Variants in TANC1 observed in about 807,000 individuals in gnomAD.
TANC1 encodes the protein tetratricopeptide repeat, ankyrin repeat and coiled-coil containing 1.
Under a neutral mutation model 149.7 loss-of-function variants are expected in TANC1, and 77 were observed. The ratio of observed to expected loss-of-function variants is 0.51; its 90% CI spans 0.43 to 0.62. The LOEUF (loss-of-function observed/expected upper bound fraction) is 0.62. TANC1 is among the 20% of genes least tolerant of loss of function. TANC1 has a pLI of 0.00. For missense variants in TANC1, 1,985 were observed against 2,321.8 expected, an observed-to-expected ratio of 0.85 and a Z score of 2.98; for synonymous variants, 854 against 925.0, an observed-to-expected ratio of 0.92 and a Z score of 1.39.
chr2:159,045,105 GTGT>G (rs1029255100), intron 2 of TANC1, among the ~76,000 whole-genome samples: 4 of 152,200 alleles, frequency 2.6e-5, no homozygotes, highest in East Asian at 1.9e-4. Context: ...AGTCCCTGCT[GTGT>G]TGTTGTTGTT....
chr2:159,135,558 C>T (rs1239728896), intron 4 of TANC1, among the ~76,000 whole-genome samples: 2 of 152,260 alleles, frequency 1.3e-5, no homozygotes, highest in Non-Finnish European at 2.9e-5. Context: ...TGATAATAAG[C>T]AGGGGCTGTG....
chr2:159,041,100 A>G (rs1201356564), intron 2 of TANC1, among the ~76,000 whole-genome samples: 1 of 152,102 alleles, frequency 6.6e-6, no homozygotes, highest in Non-Finnish European at 1.5e-5. Flanking sequence ...GAGGCTGCAG[A>G]ACAGCAAATA....
chr2:159,196,228 T>G (rs2057838108), intron 17 of TANC1, among the ~76,000 whole-genome samples: 1 of 152,220 alleles, frequency 6.6e-6, no homozygotes, highest in South Asian at 2.1e-4. Context: ...TTATAGCTTG[T>G]CACAGCAGAC....
In TANC1 at chr2:159,163,438, T is replaced by C. The variant is rs1192969827; in HGVS notation, c.838T>C (p.Ser280Pro). Reference protein sequence around the residue: ...SPVAEEETTGSAESTLPKAES... With the variant: ...SPVAEEETTGPAESTLPKAES... ...AGTGGCAGAAGAGGAGACCACCGGG[T>C]CAGCAGAGAGCACGCTGCCCAAAGC... The change falls in exon 8 of 27, where the codon TCA becomes CCA. Residue 280 changes from serine to proline, a missense_variant. Physicochemically the swap from Ser to Pro is moderately conservative, Grantham distance 74. This residue lies in a region of TANC1 where 557 missense variants were observed against 612.9 expected (regional missense o/e 0.91). Transcript: ENST00000263635. The C allele has an allele frequency of 6.2e-7, 1 of 1,614,044 alleles. No homozygotes were observed. Among genetic ancestry groups the C allele is most frequent in the East Asian group, 2.2e-5 (1 of 44,884 alleles).
intron 3 of TANC1, among the ~76,000 whole-genome samples, chr2:159,097,337 T>G (rs2046244057): frequency 6.6e-6 from 1 of 152,204 alleles, no homozygotes; most frequent in East Asian, 1.9e-4. Context: ...TGTGGATCAT[T>G]CATACTTGAC....
intron 3 of TANC1, among the ~76,000 whole-genome samples, chr2:159,089,758 G>C (rs2045330542): frequency 6.6e-6 from 1 of 152,224 alleles, no homozygotes; most frequent in African/African-American, 2.4e-5. Context: ...CAGGACTGTG[G>C]CAGGCTCAGC....
chr2:159,136,043 T>TGTGTGTGTGTGTGTGTGTGTGC (rs2050662991), intron 4 of TANC1, 151 bp from the exon 5 acceptor site: 1 of 214,656 alleles, frequency 4.7e-6, no homozygotes, highest in Non-Finnish European at 8.8e-6. Context: ...TGTGTGTGTG[T>TGTGTGTGTGTGTGTGTGTGTGC]GTGTGTGCGC....
intron 2 of TANC1, 39 bp from the exon 3 acceptor site, chr2:159,065,857 A>T: frequency 6.5e-7 from 1 of 1,539,154 alleles, no homozygotes; most frequent in Middle Eastern, 1.7e-4. Flanking sequence ...CCAACTTTCA[A>T]TGTTTAATTC....
intron 4 of TANC1, among the ~76,000 whole-genome samples, chr2:159,127,492 A>G (rs2049579356): frequency 6.6e-6 from 1 of 152,254 alleles, no homozygotes; most frequent in Non-Finnish European, 1.5e-5. Flanking sequence ...ATCTTTCTGT[A>G]AAGACGTGCA....
intron 10 of TANC1, among the ~76,000 whole-genome samples, chr2:159,171,746 A>T (rs1013526334): frequency 1.3e-5 from 2 of 151,756 alleles, no homozygotes; most frequent in African/African-American, 4.8e-5. Flanking sequence ...AATCCCAGCT[A>T]CTTGGGAGGC....
chr2:159,230,346 A>T lies in TANC1; in HGVS notation c.4920A>T (p.Ala1640=). The T allele has an allele frequency of 1.9e-6, 3 of 1,614,088 alleles. No homozygotes were observed. Among genetic ancestry groups the T allele is most frequent in the Non-Finnish European group, 2.5e-6 (3 of 1,180,020 alleles). Residue 1640 remains alanine (A), a synonymous_variant, in exon 27 of 27, where the codon GCA becomes GCT. Transcript: ENST00000263635. This position sits in a 1 kb window ranked among gnomAD's most constrained non-coding sequence, Gnocchi z 4.4. ...CTCATTCCTCCGTGGCTGTGGACGC[A>T]GCCCCTCCAAACCAAGGTGGGCTGG... ...LLSHSSVAVD[A]APPNQGGLAT...
chr2:158,987,929 T>C (rs560057704), intron 1 of TANC1, among the ~76,000 whole-genome samples: 1 of 152,276 alleles, frequency 6.6e-6, no homozygotes, highest in East Asian at 1.9e-4. Context: ...CTAGAGAGTG[T>C]ATTTAGGGTT....
At chr2:159,099,669 C>A (rs1462955380) in intron 4 of TANC1, among the ~76,000 whole-genome samples, 1 of 151,130 alleles carries the variant, frequency 6.6e-6, no homozygotes, top group Non-Finnish European at 1.5e-5. Context: ...CCTCCCCACC[C>A]CCACCCAAAT....
At chr2:159,033,759 C>T (rs2039967232) in intron 2 of TANC1, among the ~76,000 whole-genome samples, 1 of 152,170 alleles carries the variant, frequency 6.6e-6, no homozygotes, top group Admixed American at 6.5e-5. Flanking sequence ...CTTTCTTATC[C>T]AGCCTCTGTC....
intron 4 of TANC1, among the ~76,000 whole-genome samples, chr2:159,119,160 C>G (rs1174315402): frequency 6.6e-6 from 1 of 152,126 alleles, no homozygotes; most frequent in Non-Finnish European, 1.5e-5. Context: ...TTCTTTGCCC[C>G]CAAATGTCTT....
intron 2 of TANC1, among the ~76,000 whole-genome samples, chr2:159,023,950 A>G (rs2039041976): frequency 1.3e-5 from 2 of 151,516 alleles, no homozygotes; most frequent in Admixed American, 1.3e-4. Flanking sequence ...CCTGGGTGAC[A>G]GAGTAAGACT....
intron 8 of TANC1, among the ~76,000 whole-genome samples, chr2:159,168,838 A>T (rs1281317722): frequency 6.6e-6 from 1 of 152,178 alleles, no homozygotes; most frequent in Admixed American, 6.5e-5. Flanking sequence ...CCATTTAATT[A>T]ATAAGTTGGG....
chr2:159,084,286 G>A (rs191581280), intron 3 of TANC1, among the ~76,000 whole-genome samples: 116 of 151,716 alleles, frequency 7.6e-4, no homozygotes, highest in African/African-American at 2.7e-3. Context: ...CATTTTCTTC[G>A]TCACTCCTAG....
intron 1 of TANC1, among the ~76,000 whole-genome samples, chr2:158,980,012 C>G (rs1573931141): frequency 6.6e-6 from 1 of 152,104 alleles, no homozygotes; most frequent in Non-Finnish European, 1.5e-5. Context: ...CTTAAGAGGG[C>G]CTTATTTTTC....
Sources: gnomAD v4.1 joint callset for allele counts (sites outside exome capture counted in the v4.1 genomes callset) on GRCh38, gnomAD v4.1.1 for gene constraint, gnomAD v4.1.1 regional missense constraint, Gnocchi (gnomAD v3.1) non-coding constraint, MANE v1.5 for transcripts, NCBI Gene and HGNC (gene_info 2026-07-23, HGNC 2026-07-21) for gene names.